MARCHF1: variants seen among roughly 807,000 people sequenced by gnomAD.
MARCHF1 encodes E3 ubiquitin-protein ligase MARCHF1.
A neutral mutation model predicts 54.2 loss-of-function variants in MARCHF1; 40 were observed. The ratio of observed to expected loss-of-function variants is 0.74; its 90% confidence interval spans 0.57 to 0.96. The LOEUF is 0.96. MARCHF1 is among the 40% of genes least tolerant of loss of function. MARCHF1 has a pLI of 0.00. For missense variants in MARCHF1, 586 were observed against 656.5 expected (o/e 0.89, Z 1.17); for synonymous variants, 236 against 236.3 (o/e 1.00, Z 0.01).
intron 4 of MARCHF1, among the ~76,000 whole-genome samples, chr4:163,717,632 A>G (rs564451430): frequency 1.9e-4 from 29 of 152,180 alleles, no homozygotes; most frequent in African/African-American, 6.0e-4. Context: ...AAATGTTCCT[A>G]TTTCTCCACA....
intron 1 of MARCHF1, among the ~76,000 whole-genome samples, chr4:164,264,109 C>T (rs1163442560): frequency 6.6e-6 from 1 of 152,100 alleles, no homozygotes; most frequent in Non-Finnish European, 1.5e-5. Context: ...CCATCAATGA[C>T]AGATTGGATA....
chr4:163,687,019 G>C (rs1004231185), intron 5 of MARCHF1, among the ~76,000 whole-genome samples: 3 of 152,042 alleles, frequency 2.0e-5, no homozygotes, highest in Non-Finnish European at 4.4e-5. Flanking sequence ...TTTTGGGCTT[G>C]GCAAATGTGT....
chr4:163,929,845 T>C (rs1315917052), intron 3 of MARCHF1, among the ~76,000 whole-genome samples: 1 of 147,606 alleles, frequency 6.8e-6, no homozygotes, highest in Non-Finnish European at 1.5e-5. Context: ...CATGGTAATA[T>C]AATATATTGT....
intron 1 of MARCHF1, among the ~76,000 whole-genome samples, chr4:164,130,660 C>G (rs1363743223): frequency 6.6e-6 from 1 of 152,106 alleles, no homozygotes; most frequent in Non-Finnish European, 1.5e-5. Context: ...AGGTTTCACT[C>G]AGTTTCTGAT....
At chr4:164,226,784 C>T (rs1262440235) in intron 1 of MARCHF1, among the ~76,000 whole-genome samples, 1 of 152,024 alleles carries the variant, frequency 6.6e-6, no homozygotes, top group Non-Finnish European at 1.5e-5. Context: ...CACAGCTCAT[C>T]CCCATCTCTC....
intron 3 of MARCHF1, among the ~76,000 whole-genome samples, chr4:163,944,127 G>A (rs4530590): frequency 0.83 from 121,357 of 146,228 alleles, 50,408 homozygotes; most frequent in East Asian, 0.93. Flanking sequence ...TCACTGCACC[G>A]GGCTAATTTT....
At chr4:164,236,641 T>G (rs538990741) in intron 1 of MARCHF1, among the ~76,000 whole-genome samples, 1 of 152,082 alleles carries the variant, frequency 6.6e-6, no homozygotes, top group Non-Finnish European at 1.5e-5. Flanking sequence ...CATCTCAAAG[T>G]TTTTGCCACA....
chr4:163,735,842 G>A (rs1027837440), intron 4 of MARCHF1, among the ~76,000 whole-genome samples: 4 of 152,156 alleles, frequency 2.6e-5, no homozygotes, highest in Admixed American at 2.6e-4. Flanking sequence ...ATATGTGTTA[G>A]GATTGGAGTC....
intron 1 of MARCHF1, among the ~76,000 whole-genome samples, chr4:164,292,655 T>C (rs1579694933): frequency 6.6e-6 from 1 of 152,264 alleles, no homozygotes; most frequent in East Asian, 1.9e-4. Flanking sequence ...ACCTGGACAA[T>C]AGCAAACATA....
At chr4:163,942,233 T>C (rs1751926330) in intron 3 of MARCHF1, among the ~76,000 whole-genome samples, 2 of 152,190 alleles carry the variant, frequency 1.3e-5, no homozygotes, top group South Asian at 4.1e-4. Context: ...GTGTCCAATT[T>C]GGAAGTTATT....
intron 5 of MARCHF1, among the ~76,000 whole-genome samples, chr4:163,625,235 C>T (rs192159715): frequency 6.6e-6 from 1 of 152,150 alleles, no homozygotes; most frequent in African/African-American, 2.4e-5. Flanking sequence ...ACCCATTTTT[C>T]TTTAACTGCA....
chr4:163,908,274 A>G (rs1038992111), intron 3 of MARCHF1, among the ~76,000 whole-genome samples: 7 of 152,154 alleles, frequency 4.6e-5, no homozygotes, highest in Non-Finnish European at 2.9e-5. Flanking sequence ...TCAGTCAACA[A>G]TATTAATCAT....
chr4:164,007,646 C>CTCTCTGTG (rs1484621420), intron 2 of MARCHF1, among the ~76,000 whole-genome samples: 8 of 140,014 alleles, frequency 5.7e-5, no homozygotes, highest in East Asian at 2.3e-4. Flanking sequence ...CTCTCTCTCT[C>CTCTCTGTG]TGTGTGTGTG....
At chr4:163,562,244 C>T (rs1309473940) in intron 8 of MARCHF1, among the ~76,000 whole-genome samples, 1 of 152,092 alleles carries the variant, frequency 6.6e-6, no homozygotes, top group Non-Finnish European at 1.5e-5. Context: ...TTGCAGTGAG[C>T]AGAGATCGCG....
intron 1 of MARCHF1, among the ~76,000 whole-genome samples, chr4:164,199,841 A>G (rs1181218814): frequency 1.3e-5 from 2 of 152,128 alleles, no homozygotes; most frequent in South Asian, 2.1e-4. Context: ...ATCATGACAT[A>G]TATGGGGCTC....
chr4:164,148,882 T>C (rs1485830055), intron 1 of MARCHF1, among the ~76,000 whole-genome samples: 3 of 152,182 alleles, frequency 2.0e-5, no homozygotes, highest in Non-Finnish European at 2.9e-5. Context: ...AACACGATAT[T>C]TAATTTCCTG....
Position 164,204,073 on chromosome 4 carries a change from G to T in MARCHF1, c.-322-92411C>A, listed in dbSNP as rs1054699951. 5.9e-5 allele frequency among the ~76,000 whole-genome samples: 9 copies of T among 152,210 alleles called. 1 individual carries two copies. The South Asian group carries it at 1.9e-3, about 32-fold the overall frequency. On this transcript the variant is annotated intron_variant, in intron 1 of 9. Transcript: ENST00000514618. ...CCAGTCCCTCTATTAGAAATGTTTG[G>T]ATGTGATTTCTTTTTTCCCTACTAT...
chr4:163,684,257 G>C (rs1744199156), intron 5 of MARCHF1, among the ~76,000 whole-genome samples: 1 of 152,150 alleles, frequency 6.6e-6, no homozygotes, highest in South Asian at 2.1e-4. Flanking sequence ...AAGAACATGT[G>C]GCAGGGATTG....
chr4:164,152,195 C>T (rs1311719903), intron 1 of MARCHF1, among the ~76,000 whole-genome samples: 1 of 152,114 alleles, frequency 6.6e-6, no homozygotes, highest in East Asian at 1.9e-4. Context: ...GGTGGTGATA[C>T]TTGGTGTAAG....
Sources: allele counts gnomAD v4.1 joint callset (sites outside exome capture counted in the v4.1 genomes callset), GRCh38; gene constraint gnomAD v4.1.1; transcripts MANE v1.5; gene names NCBI Gene and HGNC (gene_info 2026-07-23, HGNC 2026-07-21).